The following NECAP2 variants were observed in gnomAD, a reference collection of about 807,000 sequenced individuals.
NECAP2 encodes adaptin ear-binding coat-associated protein 2.
In NECAP2, 38 loss-of-function variants were observed where a neutral mutation model predicts 37.8. The observed-to-expected ratio is 1.01, with a 90% CI of 0.78 to 1.32. The LOEUF (loss-of-function observed/expected upper bound fraction) is 1.32. Ranked by LOEUF, NECAP2 falls within the 40% of genes most tolerant of loss-of-function variation. The pLI is 0.00. For missense variants in NECAP2, 316 were observed against 334.5 expected (o/e 0.94, Z 0.43); for synonymous variants, 121 against 127.7 (o/e 0.95, Z 0.35).
intron 1 of NECAP2, chr1:16,441,450 G>T: frequency 6.6e-6 from 1 of 152,458 alleles, no homozygotes. Flanking sequence ...TAAACATACT[G>T]AGTATCTCTG....
At chr1:16,451,503 G>A (rs191753746) in intron 5 of NECAP2, 20 of 268,158 alleles carry the variant, frequency 7.5e-5, no homozygotes, top group East Asian at 3.6e-4. Context: ...AGCCAGCAGC[G>A]CGTGAATGGT....
At chr1:16,457,442 A>C (rs2086937217) in intron 7 of NECAP2, among the ~76,000 whole-genome samples, 1 of 152,000 alleles carries the variant, frequency 6.6e-6, no homozygotes, top group Non-Finnish European at 1.5e-5. Flanking sequence ...CAAGAGCAAG[A>C]CTCCATCTCA....
chr1:16,442,507 G>A (rs1481201215), intron 1 of NECAP2, among the ~76,000 whole-genome samples: 1 of 152,196 alleles, frequency 6.6e-6, no homozygotes, highest in African/African-American at 2.4e-5. Flanking sequence ...AGACAGCCGC[G>A]TCCAGGGTTC....
chr1:16,458,251 A>C (rs2100974180), intron 7 of NECAP2, among the ~76,000 whole-genome samples: 2 of 152,298 alleles, frequency 1.3e-5, no homozygotes, highest in African/African-American at 4.8e-5. Context: ...GAGCATGTTT[A>C]TGTAAAATTA....
rs182480217 is a variant in NECAP2, at chr1:16,453,143, C to T, written c.667+1128C>T. The stretch of plus-strand genomic sequence containing the variant: ...TTTTTTGAAATGGAGTTTTTTTGCT[C>T]TTGTTGCCTAGGCTGCAGTGTAATG... On this transcript the variant is annotated intron_variant, in intron 6 of 7. Coordinates refer to ENST00000337132, the MANE Select transcript of NECAP2 (RefSeq NM_018090.5). Among the ~76,000 whole-genome samples the T allele has an allele frequency of 8.4e-3, 1,242 of 148,352 alleles. 11 individuals are homozygous for T. Among genetic ancestry groups the T allele is most frequent in the Admixed American group, 0.013 (186 of 14,788 alleles).
rs140440886 is a variant in NECAP2, at chr1:16,450,153, G to T, written c.489+952G>T. On this transcript the variant is annotated intron_variant, in intron 5 of 7. Coordinates refer to ENST00000337132, the MANE Select transcript of NECAP2 (RefSeq NM_018090.5). The stretch of plus-strand genomic sequence containing the variant: ...GCCAGCTGGCCCTTAAGAGAGAAAT[G>T]CAAGTCCAATCCAGTGGACTGGTTG... 2.5e-4 allele frequency: 113 copies of T among 454,348 alleles called. 1 individual carries two copies. Among genetic ancestry groups the T allele is most frequent in the East Asian group, 1.5e-3 (21 of 14,354 alleles). The allele number at this position is 454,348 out of a possible 1,614,324, so 28.1% of individuals were successfully genotyped here.
In NECAP2 at chr1:16,447,863, C is replaced by G. The variant is rs1483655269; in HGVS notation, c.194-7C>G. 1.2e-6 allele frequency: 2 copies of G among 1,613,178 alleles called. No individual in the cohort carries two copies. The highest frequency in any genetic ancestry group is 8.5e-7 in the Non-Finnish European group (1 of 1,179,120). ...GGCTCAGCGCTCAGCCTAACCTGTG[C>G]TTTCAGGGGAGCTCTTTGCTCAGGC... On this transcript the variant is annotated splice_polypyrimidine_tract_variant and splice_region_variant and intron_variant, in intron 2 of 7. Coordinates refer to ENST00000337132, the MANE Select transcript of NECAP2 (RefSeq NM_018090.5).
intron 2 of NECAP2, among the ~76,000 whole-genome samples, chr1:16,446,240 C>T (rs1557686411): frequency 6.6e-6 from 1 of 152,224 alleles, no homozygotes; most frequent in East Asian, 1.9e-4. Flanking sequence ...TATCTCTAAA[C>T]CACAGGATTC....
chr1:16,446,725 G>A (rs1413847338), intron 2 of NECAP2, among the ~76,000 whole-genome samples: 1 of 151,892 alleles, frequency 6.6e-6, no homozygotes, highest in African/African-American at 2.4e-5. Context: ...TGGATTTTTT[G>A]TAGAGACCAG....
chr1:16,448,675 CTACTTTTGGGTA>C (rs2086798302), intron 4 of NECAP2, among the ~76,000 whole-genome samples: 1 of 152,092 alleles, frequency 6.6e-6, no homozygotes, highest in Non-Finnish European at 1.5e-5. Flanking sequence ...GTGTTGCCCT[CTACTTTTGGGTA>C]TCTGTCTTGT....
chr1:16,449,316 A>T, intron 5 of NECAP2, 115 bp downstream of exon 5: 4 of 689,538 alleles, frequency 5.8e-6, no homozygotes, highest in Non-Finnish European at 1.0e-5. Flanking sequence ...TTTAGTGAGC[A>T]TCTGCCTTGT....
chr1:16,444,941 CCT>C (rs2086738282), intron 2 of NECAP2, among the ~76,000 whole-genome samples: 1 of 152,220 alleles, frequency 6.6e-6, no homozygotes, highest in Non-Finnish European at 1.5e-5. Context: ...TCTGCCTCAG[CCT>C]CTCGGGTAGC....
intron 5 of NECAP2, chr1:16,450,839 C>G (rs2086831722): frequency 6.6e-6 from 1 of 152,164 alleles, no homozygotes; most frequent in Non-Finnish European, 1.5e-5. Flanking sequence ...CCCAGCTACT[C>G]CGGGGGCTGA....
intron 5 of NECAP2, chr1:16,451,324 A>G (rs1268723841): frequency 1.3e-5 from 2 of 153,592 alleles, no homozygotes; most frequent in African/African-American, 4.8e-5. Context: ...GGCGATTACA[A>G]ATAATGCTGC....
rs112897839 is a variant in NECAP2 at position 16,455,569 on chromosome 1, G to A, written c.668-249G>A. 401 of 491,622 alleles carry A rather than the reference G, an allele frequency of 8.2e-4. 2 individuals carry two copies. The highest frequency in any genetic ancestry group is 6.4e-3 in the African/African-American group (338 of 52,452). The allele number at this position is 491,622 out of a possible 1,614,324, so 30.5% of individuals were successfully genotyped here. ...ACCACCCATCCCGCGGGCACCCCTC[G>A]TTCCACCTTGTATGTGGCTTTCTGC... On this transcript the variant is annotated intron_variant, in intron 6 of 7. Coordinates refer to ENST00000337132, the MANE Select transcript of NECAP2 (RefSeq NM_018090.5).
At chr1:16,446,788 A>G (rs1211785379) in intron 2 of NECAP2, among the ~76,000 whole-genome samples, 1 of 151,968 alleles carries the variant, frequency 6.6e-6, no homozygotes, top group Non-Finnish European at 1.5e-5. Context: ...GGCTGGGTGC[A>G]GTGGCTCACG....
intron 6 of NECAP2, among the ~76,000 whole-genome samples, chr1:16,454,817 CTGAA>C (rs2086894671): frequency 6.6e-6 from 1 of 152,210 alleles, no homozygotes; most frequent in South Asian, 2.1e-4. Context: ...TAAGTGCTCA[CTGAA>C]TGTTAGATCT....
At chr1:16,448,972 G>A in intron 4 of NECAP2, 121 bp from the exon 5 acceptor site, 1 of 650,184 alleles carries the variant, frequency 1.5e-6, no homozygotes. Flanking sequence ...ACTCTTTCCA[G>A]CACCCCGTCT....
intron 1 of NECAP2, 107 bp downstream of exon 1, chr1:16,440,960 AG>A: frequency 1.2e-6 from 1 of 868,032 alleles, no homozygotes; most frequent in Non-Finnish European, 1.9e-6. Flanking sequence ...TTTTGGGGCG[AG>A]GGGGAGCTAA....
Sources: gnomAD v4.1 joint callset for allele counts (sites outside exome capture counted in the v4.1 genomes callset) on GRCh38, gnomAD v4.1.1 for gene constraint, MANE v1.5 for transcripts, NCBI Gene and HGNC (gene_info 2026-07-23, HGNC 2026-07-21) for gene names.